Variants in SLC5A4 observed in about 807,000 individuals in gnomAD.
SLC5A4 encodes probable glucose sensor protein SLC5A4.
In SLC5A4, 55 loss-of-function variants were observed where a neutral mutation model predicts 70.3. The ratio of observed to expected loss-of-function variants is 0.78; its 90% confidence interval spans 0.63 to 0.98. SLC5A4 has a LOEUF of 0.98. Among genes scored for constraint, SLC5A4 ranks in the 50% least tolerant of loss-of-function variants. The probability of loss-of-function intolerance (pLI) is 0.00; values close to 1 mark genes in which losing one functional copy is unlikely to be tolerated. For synonymous variants in SLC5A4, 268 were observed against 305.7 expected, an observed-to-expected ratio of 0.88 and a Z score of 1.29; for missense variants, 735 against 839.2, an observed-to-expected ratio of 0.88 and a Z score of 1.53.
chr22:32,262,792 CAG>C, the SLC5A4 span, among the ~76,000 whole-genome samples: 5 of 151,756 alleles, frequency 3.3e-5, no homozygotes, highest in Non-Finnish European at 4.4e-5. Context: ...TTTTTTGAGA[CAG>C]AGTCTCACTC....
the SLC5A4 span, chr22:32,269,512 G>T: frequency 3.4e-6 from 2 of 595,102 alleles, no homozygotes; most frequent in South Asian, 1.5e-5. The surrounding 1 kb of genome is among the most constrained non-coding windows in gnomAD (Gnocchi z 4.1). Context: ...TGGCTGTGTG[G>T]CAGGACACGT....
At chr22:32,230,314 C>G (rs113163380) in intron 10 of SLC5A4, among the ~76,000 whole-genome samples, 2,195 of 152,214 alleles carry the variant, frequency 0.014, 22 homozygotes, top group Non-Finnish European at 0.019. Flanking sequence ...GAGCTCTGTA[C>G]CCTACTCCAT....
the SLC5A4 span, among the ~76,000 whole-genome samples, chr22:32,336,481 G>T: frequency 1.3e-5 from 2 of 152,194 alleles, no homozygotes; most frequent in Non-Finnish European, 2.9e-5. Flanking sequence ...TCTCTTCCGG[G>T]GCAGGATTAT....
the SLC5A4 span, chr22:32,270,862 GC>G: frequency 5.5e-6 from 3 of 549,186 alleles, no homozygotes; most frequent in Non-Finnish European, 1.0e-5. Context: ...TGCTGCACAA[GC>G]CCCCGCTGCA....
At chr22:32,302,042 C>T in the SLC5A4 span, among the ~76,000 whole-genome samples, 1 of 152,114 alleles carries the variant, frequency 6.6e-6, no homozygotes, top group South Asian at 2.1e-4. Flanking sequence ...TAGAAGAGAA[C>T]ATATGGGTAA....
the SLC5A4 span, chr22:32,270,604 G>T: frequency 1.4e-6 from 1 of 736,584 alleles, no homozygotes; most frequent in Non-Finnish European, 2.5e-6. Flanking sequence ...CAGTGGCTTT[G>T]CCACGCAGGG....
chr22:32,233,117 G>T, intron 8 of SLC5A4, 83 bp from the exon 9 acceptor site: 1 of 1,452,102 alleles, frequency 6.9e-7, no homozygotes, highest in Non-Finnish European at 9.4e-7. Context: ...AGAGTTTAAT[G>T]TTGCAATAAG....
chr22:32,336,167 G>A, the SLC5A4 span, among the ~76,000 whole-genome samples: 2 of 152,094 alleles, frequency 1.3e-5, no homozygotes, highest in South Asian at 2.1e-4. Flanking sequence ...TGGTTTTTGG[G>A]AACATTACTG....
At chr22:32,291,565 T>C in the SLC5A4 span, among the ~76,000 whole-genome samples, 1 of 152,208 alleles carries the variant, frequency 6.6e-6, no homozygotes, top group African/African-American at 2.4e-5. Flanking sequence ...ATTGACACAT[T>C]TACTGTGTTG....
At chr22:32,239,568 ATTTATATATATATT>A (rs1850709880) in intron 5 of SLC5A4, among the ~76,000 whole-genome samples, 11 of 26,464 alleles carry the variant, frequency 4.2e-4, no homozygotes, top group African/African-American at 1.4e-3. Context: ...ATATATATAT[ATTTATATATATATT>A]TATATATATA....
At chr22:32,310,896 C>A in the SLC5A4 span, among the ~76,000 whole-genome samples, 1 of 152,198 alleles carries the variant, frequency 6.6e-6, no homozygotes, top group Admixed American at 6.5e-5. Flanking sequence ...CACAGTGGAG[C>A]CCAGGGCTGG....
the SLC5A4 span, among the ~76,000 whole-genome samples, chr22:32,330,850 C>G: frequency 6.1e-5 from 6 of 98,574 alleles, no homozygotes; most frequent in Non-Finnish European, 7.8e-5. Flanking sequence ...GTTGGGGGCT[C>G]TGGTGTGTAG....
chr22:32,244,751 A>G lies in SLC5A4; in HGVS notation c.477+2660T>C, dbSNP rs1926725351. On this transcript the variant is annotated intron_variant, in intron 5 of 14. Coordinates refer to ENST00000266086, the MANE Select transcript of SLC5A4 (RefSeq NM_014227.3). Reference sequence around the variant, plus strand: ...CACTATTTAGCCCAGGCAGGTCTGGAACTCCTGGCCTCCAGTGATCCTCCT... The same window carrying G: ...CACTATTTAGCCCAGGCAGGTCTGGGACTCCTGGCCTCCAGTGATCCTCCT... Among the ~76,000 whole-genome samples, 4 of 152,208 alleles carry G rather than the reference A, an allele frequency of 2.6e-5. No individual in the cohort carries two copies. The South Asian group carries it at 8.3e-4, about 32-fold the overall frequency.
intron 4 of SLC5A4, among the ~76,000 whole-genome samples, chr22:32,248,057 C>T (rs1484160981): frequency 1.3e-5 from 2 of 152,224 alleles, no homozygotes; most frequent in African/African-American, 4.8e-5. Flanking sequence ...GATTTCCCCA[C>T]TGGCTGCAGC....
At position 32,229,347 on chromosome 22, in the gene SLC5A4, G is replaced by A; in HGVS notation, c.1130-3C>T. ...CGAAAGCATCAGGCCTCGCAGTCCTGGAGCCGGGAAAGGGTACAAGCACTG... is the reference window on the plus strand; with the variant it reads ...CGAAAGCATCAGGCCTCGCAGTCCTAGAGCCGGGAAAGGGTACAAGCACTG... On this transcript the variant is annotated splice_region_variant and splice_polypyrimidine_tract_variant and intron_variant, in intron 10 of 14. Transcript: ENST00000266086. The A allele has an allele frequency of 6.2e-7, 1 of 1,613,976 alleles. No homozygotes were observed. Among genetic ancestry groups the A allele is most frequent in the African/African-American group, 1.3e-5 (1 of 75,054 alleles).
chr22:32,303,377 T>C, the SLC5A4 span, among the ~76,000 whole-genome samples: 2 of 152,232 alleles, frequency 1.3e-5, no homozygotes, highest in Non-Finnish European at 2.9e-5. Flanking sequence ...TCAGCCAGCC[T>C]TTCACCAAAA....
the SLC5A4 span, among the ~76,000 whole-genome samples, chr22:32,289,480 G>A: frequency 7.2e-5 from 11 of 152,166 alleles, no homozygotes; most frequent in Admixed American, 2.0e-4. Flanking sequence ...CCGCCATCAC[G>A]CTCCTCTCCT....
chr22:32,252,981 G>A (rs184314031), intron 2 of SLC5A4, among the ~76,000 whole-genome samples: 5 of 152,308 alleles, frequency 3.3e-5, no homozygotes, highest in Admixed American at 2.6e-4. Context: ...GGGGCCAGAG[G>A]ATGGGATTGA....
the SLC5A4 span, among the ~76,000 whole-genome samples, chr22:32,315,559 G>A: frequency 1.3e-5 from 2 of 152,028 alleles, no homozygotes; most frequent in Non-Finnish European, 2.9e-5. Flanking sequence ...AAGGATTAAA[G>A]ATATCATGTC....
Sources: allele counts gnomAD v4.1 joint callset (sites outside exome capture counted in the v4.1 genomes callset), GRCh38; gene constraint gnomAD v4.1.1; non-coding constraint Gnocchi (gnomAD v3.1); transcripts MANE v1.5; gene names NCBI Gene and HGNC (gene_info 2026-07-23, HGNC 2026-07-21).